FAM171A1: variants seen among roughly 807,000 people sequenced by gnomAD.
FAM171A1 encodes the protein family with sequence similarity 171 member A1, also known as protein FAM171A1.
A neutral mutation model predicts 74.9 loss-of-function variants in FAM171A1; 23 were observed. That is an observed-to-expected ratio of 0.31 (90% CI 0.22 to 0.44). The LOEUF is 0.44. FAM171A1 is among the 20% of genes least tolerant of loss of function. The probability of loss-of-function intolerance (pLI) is 1.00; values close to 1 mark genes in which losing one functional copy is unlikely to be tolerated. For synonymous variants in FAM171A1, 527 were observed against 505.7 expected (o/e 1.04, Z -0.57); for missense variants, 1,162 against 1,159.2 (o/e 1.00, Z -0.03).
In FAM171A1 at chr10:15,248,923, G is replaced by A. The variant is rs1369407578; in HGVS notation, c.578-108C>T. The A allele has an allele frequency of 3.9e-6, 4 of 1,029,448 alleles. No individual in the cohort carries two copies. The Admixed American group carries it at 1.1e-4, about 29-fold the overall frequency. The allele number at this position is 1,029,448 out of a possible 1,614,324, so 63.8% of individuals were successfully genotyped here. On this transcript the variant is annotated intron_variant, in intron 4 of 7. Transcript: ENST00000378116. ...AGCTACCATTACCTCCTATATGCCA[G>A]GGACTGCATGAAGCACTTTACATAC...
chr10:15,275,681 C>G (rs888770113), intron 3 of FAM171A1, among the ~76,000 whole-genome samples, 174 bp downstream of exon 3: 1 of 152,002 alleles, frequency 6.6e-6, no homozygotes, highest in Non-Finnish European at 1.5e-5. Flanking sequence ...AAATGTCTCA[C>G]TATAAAAAAT....
intron 3 of FAM171A1, among the ~76,000 whole-genome samples, chr10:15,275,044 A>G (rs1834875540): frequency 6.6e-6 from 1 of 152,158 alleles, no homozygotes; most frequent in Non-Finnish European, 1.5e-5. Flanking sequence ...TAGGTGGGAA[A>G]TGAACAATGA....
chr10:15,310,346 C>T (rs1172902401), intron 1 of FAM171A1, among the ~76,000 whole-genome samples: 1 of 152,128 alleles, frequency 6.6e-6, no homozygotes, highest in African/African-American at 2.4e-5. Context: ...AGGTAATACC[C>T]TTGGGTTGTT....
rs941860398 is a variant in FAM171A1 at position 15,213,159 on chromosome 10, T to C, written c.2429A>G (p.Asp810Gly). 3.7e-6 allele frequency: 6 copies of C among 1,613,996 alleles called. No homozygotes were observed. Among genetic ancestry groups the C allele is most frequent in the Non-Finnish European group, 1.7e-6 (2 of 1,180,044 alleles). ...CTCCAACAAGCATCGCAGGGCACTGTCCTCGGGGGTACAGACCGTGGTCCC... is the reference window on the plus strand; with the variant it reads ...CTCCAACAAGCATCGCAGGGCACTGCCCTCGGGGGTACAGACCGTGGTCCC... ...ECGTTVCTPEDSALRCLLEGS... is the reference protein window; with the variant it reads ...ECGTTVCTPEGSALRCLLEGS... Residue 810 changes from aspartate to glycine, a missense_variant, in exon 8 of 8, where the codon GAC becomes GGC. Transcript: ENST00000378116. The surrounding 1 kb of genome is among the most constrained non-coding windows in gnomAD (Gnocchi z 6.8).
chr10:15,263,132 T>A (rs1412660576), intron 3 of FAM171A1, among the ~76,000 whole-genome samples: 1 of 152,202 alleles, frequency 6.6e-6, no homozygotes, highest in East Asian at 1.9e-4. Context: ...GTCGGCCCGA[T>A]GACAGTGCCC....
chr10:15,368,269 TTG>T (rs1836090996), intron 1 of FAM171A1, among the ~76,000 whole-genome samples: 2 of 152,202 alleles, frequency 1.3e-5, no homozygotes, highest in Admixed American at 1.3e-4. Context: ...CAATTTTATC[TTG>T]AATATATAAA....
intron 1 of FAM171A1, among the ~76,000 whole-genome samples, chr10:15,339,872 A>G (rs1666682776): frequency 6.6e-6 from 1 of 152,194 alleles, no homozygotes; most frequent in Admixed American, 6.5e-5. Context: ...ATAGCAGAAG[A>G]TGAAAGTCAC....
chr10:15,318,429 G>C (rs1206292211), intron 1 of FAM171A1, among the ~76,000 whole-genome samples: 2 of 152,158 alleles, frequency 1.3e-5, no homozygotes, highest in African/African-American at 4.8e-5. Context: ...TCTGCGTGCG[G>C]TAAGTCTATA....
intron 5 of FAM171A1, among the ~76,000 whole-genome samples, chr10:15,228,936 G>A (rs987482609): frequency 1.2e-4 from 19 of 152,186 alleles, no homozygotes; most frequent in African/African-American, 3.4e-4. Flanking sequence ...AAATGGCCTC[G>A]TCATTTAAGC....
chr10:15,370,483 C>T (rs1475173452), intron 1 of FAM171A1, among the ~76,000 whole-genome samples: 2 of 151,834 alleles, frequency 1.3e-5, no homozygotes, highest in Non-Finnish European at 2.9e-5. Flanking sequence ...CACCCCCTCC[C>T]GCCACAACAA....
chr10:15,334,276 CTCTGGGA>C (rs1433998302), intron 1 of FAM171A1, among the ~76,000 whole-genome samples: 1 of 152,126 alleles, frequency 6.6e-6, no homozygotes, highest in Non-Finnish European at 1.5e-5. Context: ...TTGACCTTGG[CTCTGGGA>C]TGAAAGAGGA....
chr10:15,316,194 A>G (rs1303302543), intron 1 of FAM171A1, among the ~76,000 whole-genome samples: 2 of 152,200 alleles, frequency 1.3e-5, no homozygotes, highest in African/African-American at 2.4e-5. Context: ...CTCTAAGTTT[A>G]CAACAAGCAC....
chr10:15,233,451 C>T (rs979005920), intron 5 of FAM171A1, among the ~76,000 whole-genome samples: 1 of 151,912 alleles, frequency 6.6e-6, no homozygotes, highest in South Asian at 2.1e-4. Flanking sequence ...TGGCGTACTG[C>T]AGGGACAAGC....
chr10:15,353,762 G>A (rs749252900), intron 1 of FAM171A1, among the ~76,000 whole-genome samples: 1 of 152,124 alleles, frequency 6.6e-6, no homozygotes, highest in Non-Finnish European at 1.5e-5. Flanking sequence ...ACATGGTACA[G>A]CTCCTACAAT....
intron 1 of FAM171A1, among the ~76,000 whole-genome samples, chr10:15,347,068 A>AT (rs570033314): frequency 9.9e-5 from 15 of 152,118 alleles, no homozygotes; most frequent in South Asian, 2.1e-4. Flanking sequence ...AAATTAAACA[A>AT]TTTTTTTTAA....
At chr10:15,253,790 G>A (rs1265968662) in intron 4 of FAM171A1, among the ~76,000 whole-genome samples, 1 of 152,142 alleles carries the variant, frequency 6.6e-6, no homozygotes, top group Admixed American at 6.5e-5. Flanking sequence ...GGAAAGTGGG[G>A]TAGACAAGAA....
intron 3 of FAM171A1, among the ~76,000 whole-genome samples, chr10:15,266,260 C>G (rs540464709): frequency 6.6e-6 from 1 of 152,156 alleles, no homozygotes; most frequent in African/African-American, 2.4e-5. Flanking sequence ...AGAAAGGGGA[C>G]GAGAGCTGCT....
At chr10:15,228,698 G>A (rs1834142260) in intron 5 of FAM171A1, among the ~76,000 whole-genome samples, 1 of 152,200 alleles carries the variant, frequency 6.6e-6, no homozygotes, top group Non-Finnish European at 1.5e-5. Context: ...TCAGAACACT[G>A]GGCAGATAAA....
At chr10:15,281,472 A>G (rs1316481334) in intron 2 of FAM171A1, among the ~76,000 whole-genome samples, 1 of 150,310 alleles carries the variant, frequency 6.7e-6, no homozygotes, top group Non-Finnish European at 1.5e-5. Flanking sequence ...GTGTGGGGCC[A>G]GCCAGGGGTG....
Sources: gnomAD v4.1 joint callset for allele counts (sites outside exome capture counted in the v4.1 genomes callset) on GRCh38, gnomAD v4.1.1 for gene constraint, Gnocchi (gnomAD v3.1) non-coding constraint, MANE v1.5 for transcripts, NCBI Gene and HGNC (gene_info 2026-07-23, HGNC 2026-07-21) for gene names.